Variants in XKR9 observed in about 807,000 individuals in gnomAD.
XKR9 encodes XK-related protein 9.
XKR9 carries 32 observed loss-of-function variants against 32.0 expected under a neutral mutation model. That is an observed-to-expected ratio of 1.00 (90% CI 0.76 to 1.34). The LOEUF is 1.34. XKR9 is among the 40% of genes most tolerant of loss of function. The pLI is 0.00. For missense variants in XKR9, 546 were observed against 429.7 expected (o/e 1.27, Z -2.39); for synonymous variants, 168 against 143.4 (o/e 1.17, Z -1.22).
chr8:70,740,971 C>G (rs1226566749), intron 2 of XKR9, among the ~76,000 whole-genome samples: 3 of 152,344 alleles, frequency 2.0e-5, no homozygotes, highest in Admixed American at 2.0e-4. Context: ...CAGCTGCGGG[C>G]TGGGAGAACC....
chr8:70,754,479 A>T (rs1223362705), intron 2 of XKR9, among the ~76,000 whole-genome samples: 1 of 138,172 alleles, frequency 7.2e-6, no homozygotes, highest in Non-Finnish European at 1.6e-5. Context: ...CCAAAAGAAC[A>T]AAGCTGGAGG....
the XKR9 span, among the ~76,000 whole-genome samples, chr8:70,885,781 A>G: frequency 6.6e-6 from 1 of 152,054 alleles, no homozygotes; most frequent in Admixed American, 6.6e-5. Context: ...TATTTTTAGT[A>G]GAGATGGGGT....
At chr8:70,760,204 C>G (rs567629654) in intron 2 of XKR9, among the ~76,000 whole-genome samples, 62 of 152,136 alleles carry the variant, frequency 4.1e-4, no homozygotes, top group African/African-American at 1.5e-3. Flanking sequence ...ATTCAGTTTA[C>G]TCGTAAGTAA....
intron 2 of XKR9, among the ~76,000 whole-genome samples, chr8:70,750,022 GGT>G (rs1480742239): frequency 1.3e-5 from 2 of 151,712 alleles, no homozygotes; most frequent in African/African-American, 4.8e-5. Flanking sequence ...GTGTGTGTGT[GGT>G]GTGTGTATGC....
chr8:70,909,449 A>G, the XKR9 span, among the ~76,000 whole-genome samples: 1 of 151,998 alleles, frequency 6.6e-6, no homozygotes, highest in South Asian at 2.1e-4. Flanking sequence ...AGATGGTCCC[A>G]CTCTGTGTTC....
chr8:70,749,968 A>T (rs563494443), intron 2 of XKR9, among the ~76,000 whole-genome samples: 1 of 152,272 alleles, frequency 6.6e-6, no homozygotes, highest in South Asian at 2.1e-4. Context: ...TAAGGCTTAA[A>T]TTGCAAATTA....
At chr8:71,062,056 C>T in the XKR9 span, among the ~76,000 whole-genome samples, 1 of 152,272 alleles carries the variant, frequency 6.6e-6, no homozygotes, top group African/African-American at 2.4e-5. Flanking sequence ...AGAATCCAAC[C>T]GGAACCAGTC....
intron 2 of XKR9, among the ~76,000 whole-genome samples, chr8:70,769,500 G>T (rs1359848920): frequency 1.3e-5 from 2 of 152,056 alleles, no homozygotes; most frequent in Non-Finnish European, 2.9e-5. Context: ...CTAGATTGGG[G>T]AAGTTCTCCT....
chr8:70,766,406 T>A (rs1563473448), intron 2 of XKR9, among the ~76,000 whole-genome samples: 1 of 152,184 alleles, frequency 6.6e-6, no homozygotes, highest in East Asian at 1.9e-4. Flanking sequence ...ACTCTGTGTA[T>A]TATTGTGTAT....
the XKR9 span, among the ~76,000 whole-genome samples, chr8:70,924,684 T>C: frequency 1.6e-4 from 25 of 152,190 alleles, no homozygotes; most frequent in African/African-American, 5.8e-4. Context: ...TTCTCTCCAT[T>C]GAGGCAACCT....
chr8:70,861,503 A>T, the XKR9 span, among the ~76,000 whole-genome samples: 1 of 148,646 alleles, frequency 6.7e-6, no homozygotes, highest in Admixed American at 6.7e-5. Context: ...AAAAAAAATT[A>T]GTGCAGTGTA....
At chr8:70,973,764 A>G in the XKR9 span, among the ~76,000 whole-genome samples, 15 of 152,146 alleles carry the variant, frequency 9.9e-5, no homozygotes, top group Non-Finnish European at 2.1e-4. Flanking sequence ...ATGTATTTGT[A>G]TAGTTTTGAA....
intron 2 of XKR9, among the ~76,000 whole-genome samples, chr8:70,764,099 C>A (rs1349735276): frequency 1.3e-5 from 2 of 152,160 alleles, no homozygotes; most frequent in Non-Finnish European, 2.9e-5. Flanking sequence ...TATGAGATAA[C>A]CTATGTCATG....
chr8:71,063,272 G>T, the XKR9 span, among the ~76,000 whole-genome samples: 1 of 152,128 alleles, frequency 6.6e-6, no homozygotes. Flanking sequence ...GAACAGATTT[G>T]TTTCCCTGGC....
the XKR9 span, among the ~76,000 whole-genome samples, chr8:70,970,969 A>T: frequency 6.6e-6 from 1 of 152,186 alleles, no homozygotes; most frequent in Non-Finnish European, 1.5e-5. Context: ...TACCCAAAGG[A>T]TTATAAATCA....
At chr8:70,832,157 T>C in the XKR9 span, among the ~76,000 whole-genome samples, 1 of 152,176 alleles carries the variant, frequency 6.6e-6, no homozygotes. Flanking sequence ...AATACATTGC[T>C]CTACTCTTCT....
the XKR9 span, among the ~76,000 whole-genome samples, chr8:70,925,912 G>A: frequency 6.6e-6 from 1 of 152,014 alleles, no homozygotes; most frequent in Non-Finnish European, 1.5e-5. Flanking sequence ...ATGATTGGAG[G>A]CACTAATTTC....
chr8:70,887,227 G>A, the XKR9 span, among the ~76,000 whole-genome samples: 1 of 152,124 alleles, frequency 6.6e-6, no homozygotes. Flanking sequence ...AAGATCAGAT[G>A]GTTGTAGATG....
chr8:70,776,474 G>T (rs1377965170), intron 2 of XKR9, among the ~76,000 whole-genome samples: 1 of 151,998 alleles, frequency 6.6e-6, no homozygotes, highest in Non-Finnish European at 1.5e-5. Flanking sequence ...GAGCTGTCTG[G>T]TTGGATTCTT....
Sources: allele counts gnomAD v4.1 joint callset (sites outside exome capture counted in the v4.1 genomes callset), GRCh38; gene constraint gnomAD v4.1.1; transcripts MANE v1.5; gene names NCBI Gene and HGNC (gene_info 2026-07-23, HGNC 2026-07-21).